The following HECW1 variants were observed in gnomAD, a reference collection of about 807,000 sequenced individuals.
HECW1 encodes the protein HECT, C2 and WW domain containing E3 ubiquitin protein ligase 1, also known as E3 ubiquitin-protein ligase HECW1.
A neutral mutation model predicts 182.3 loss-of-function variants in HECW1; 61 were observed. The ratio of observed to expected loss-of-function variants is 0.33; its 90% confidence interval spans 0.27 to 0.41. The LOEUF (loss-of-function observed/expected upper bound fraction) is 0.41, where lower values mean the gene tolerates loss of function less well. HECW1 is among the 10% of genes least tolerant of loss of function. HECW1 has a pLI of 1.00. For synonymous variants in HECW1, 859 were observed against 832.6 expected, an observed-to-expected ratio of 1.03 and a Z score of -0.55; for missense variants, 1,739 against 2,108.9, an observed-to-expected ratio of 0.82 and a Z score of 3.44.
At chr7:43,213,959 A>G (rs537255274) in intron 2 of HECW1, among the ~76,000 whole-genome samples, 51 of 152,208 alleles carry the variant, frequency 3.4e-4, no homozygotes, top group African/African-American at 1.2e-3. Flanking sequence ...TCAGGAAATT[A>G]AACATTTCAT....
intron 3 of HECW1, among the ~76,000 whole-genome samples, chr7:43,257,864 G>A (rs1800748696): frequency 6.6e-6 from 1 of 152,106 alleles, no homozygotes; most frequent in Admixed American, 6.5e-5. Context: ...AAGAATAGTG[G>A]TATTCAGTGG....
chr7:43,193,847 T>G (rs1794172408), intron 2 of HECW1, among the ~76,000 whole-genome samples: 1 of 152,164 alleles, frequency 6.6e-6, no homozygotes, highest in African/African-American at 2.4e-5. Flanking sequence ...TGCCTAACTA[T>G]GTACTCTAAC....
chr7:43,122,909 T>C (rs1215782318), intron 2 of HECW1, among the ~76,000 whole-genome samples: 1 of 152,232 alleles, frequency 6.6e-6, no homozygotes, highest in Admixed American at 6.5e-5. Flanking sequence ...CATTTTCCGT[T>C]GCTTATTTAT....
intron 5 of HECW1, among the ~76,000 whole-genome samples, chr7:43,358,012 A>C (rs991456867): frequency 2.0e-5 from 3 of 152,194 alleles, no homozygotes; most frequent in African/African-American, 7.2e-5. Flanking sequence ...TCAATGCAAG[A>C]TTGTATGTAA....
At chr7:43,139,952 G>T (rs1217231003) in intron 2 of HECW1, among the ~76,000 whole-genome samples, 1 of 152,158 alleles carries the variant, frequency 6.6e-6, no homozygotes, top group African/African-American at 2.4e-5. Flanking sequence ...ATAAGTTGTT[G>T]TAAGTATTAA....
At position 43,445,170 on chromosome 7, in the gene HECW1, G is replaced by C. The variant is rs1351926710; in HGVS notation, c.1998G>C (p.Gly666=). The change falls in exon 11 of 30, where the codon GGG becomes GGC. Residue 666 remains glycine, a synonymous_variant. Transcript: ENST00000395891. ...GCGACTCCAGCCCCAGGCAAGGCGG[G>C]GACCACAGTTGCGAGGGCTGTGACG... is the stretch of plus-strand genomic sequence containing the variant. The part of the protein sequence containing the change: ...SESDSSPRQG[G]DHSCEGCDAS... 6.2e-7 allele frequency: 1 copy of C among 1,611,324 alleles called. No homozygotes were observed. The highest frequency in any genetic ancestry group is 2.2e-5 in the East Asian group (1 of 44,820).
At chr7:43,230,424 A>T (rs1797780915) in intron 2 of HECW1, among the ~76,000 whole-genome samples, 1 of 152,188 alleles carries the variant, frequency 6.6e-6, no homozygotes, top group Non-Finnish European at 1.5e-5. Context: ...AACCAGTGTC[A>T]TGGAATACAA....
intron 13 of HECW1, among the ~76,000 whole-genome samples, chr7:43,459,744 G>A (rs139384411): frequency 5.0e-4 from 76 of 152,246 alleles, no homozygotes; most frequent in African/African-American, 1.7e-3. Flanking sequence ...CACCATGTTG[G>A]CCAGGCTTGT....
chr7:43,360,908 A>G lies in HECW1; in HGVS notation c.483A>G (p.Lys161=), dbSNP rs1206053903. The change falls in exon 6 of 30, where the codon AAA becomes AAG. Residue 161 remains lysine (K), a synonymous_variant. Transcript: ENST00000395891. ...FVEPETKICF[K]YYHGVSGALR... ...CAGCTGAAACTAAGATCTGCTTCAA[A>G]TACTACCATGGAGTGAGTGGGGCCC... 1.9e-6 allele frequency: 3 copies of G among 1,614,110 alleles called. No homozygotes were observed. The highest frequency in any genetic ancestry group is 2.5e-6 in the Non-Finnish European group (3 of 1,179,986).
intron 5 of HECW1, among the ~76,000 whole-genome samples, chr7:43,351,211 T>C (rs1814396504): frequency 6.6e-6 from 1 of 152,172 alleles, no homozygotes; most frequent in Non-Finnish European, 1.5e-5. Flanking sequence ...AGTCCTGTGA[T>C]GTGAACCATC....
chr7:43,456,242 C>T, intron 12 of HECW1, 55 bp from the exon 13 acceptor site: 10 of 1,538,076 alleles, frequency 6.5e-6, no homozygotes, highest in Admixed American at 1.8e-5. Flanking sequence ...ATGTGTTTCA[C>T]GTGGGTCAGT....
In HECW1 at chr7:43,531,370, T is replaced by A. The variant is rs550032039; in HGVS notation, c.4020-9793T>A. ...GGTGATGAGATACTGCATTGCTGTG[T>A]CTATCTCCCTTCCTAGCTTGTAAAC... On this transcript the variant is annotated intron_variant, in intron 24 of 29. Coordinates refer to ENST00000395891, the MANE Select transcript of HECW1 (RefSeq NM_015052.5). 4.5e-4 allele frequency among the ~76,000 whole-genome samples: 69 copies of A among 152,290 alleles called. 2 individuals carry two copies. The South Asian group carries it at 0.014, about 31-fold the overall frequency.
intron 2 of HECW1, among the ~76,000 whole-genome samples, chr7:43,122,582 C>G (rs1445341729): frequency 6.6e-6 from 1 of 152,160 alleles, no homozygotes; most frequent in East Asian, 1.9e-4. Context: ...CACTATCCAT[C>G]CTGTTGTCGC....
intron 6 of HECW1, among the ~76,000 whole-genome samples, chr7:43,385,339 A>G: frequency 7.1e-6 from 1 of 140,092 alleles, no homozygotes; most frequent in Non-Finnish European, 1.5e-5. Context: ...GGTTTGTGTC[A>G]GTGTCACTCA....
In HECW1 at chr7:43,420,717, A is replaced by G. The variant is rs540052101; in HGVS notation, c.801+12986A>G. Among the ~76,000 whole-genome samples the G allele has an allele frequency of 6.6e-5, 10 of 152,382 alleles. No individual in the cohort carries two copies. In the East Asian group the frequency reaches 1.9e-3, roughly 29 times the overall value. On this transcript the variant is annotated intron_variant, in intron 8 of 29. Coordinates refer to ENST00000395891, the MANE Select transcript of HECW1 (RefSeq NM_015052.5). ...AAAAGATATTATTTACAGTAGCATC[A>G]AAAACCAAGGAATAAATCTAACTGC...
intron 21 of HECW1, among the ~76,000 whole-genome samples, chr7:43,502,589 A>T (rs765434628): frequency 6.6e-6 from 1 of 152,096 alleles, no homozygotes; most frequent in South Asian, 2.1e-4. Flanking sequence ...AACCCAGGAG[A>T]CAGAGGTTGC....
intron 8 of HECW1, among the ~76,000 whole-genome samples, chr7:43,426,259 C>T (rs1252345702): frequency 6.6e-6 from 1 of 152,074 alleles, no homozygotes; most frequent in East Asian, 1.9e-4. Context: ...GTACTGAAAA[C>T]ATACAAAATA....
chr7:43,311,053 A>T (rs914984547), intron 3 of HECW1, among the ~76,000 whole-genome samples: 4 of 152,240 alleles, frequency 2.6e-5, no homozygotes, highest in African/African-American at 9.6e-5. Context: ...TTAAGTGCTC[A>T]AAGTTGTAAA....
At chr7:43,488,434 G>GAGAA (rs796394625) in intron 17 of HECW1, among the ~76,000 whole-genome samples, 13,136 of 92,884 alleles carry the variant, frequency 0.14, 1,431 homozygotes, top group African/African-American at 0.17. Flanking sequence ...AAGAAAGAAA[G>GAGAA]AGAAAGAAAG....
Sources: allele counts gnomAD v4.1 joint callset (sites outside exome capture counted in the v4.1 genomes callset), GRCh38; gene constraint gnomAD v4.1.1; transcripts MANE v1.5; gene names NCBI Gene and HGNC (gene_info 2026-07-23, HGNC 2026-07-21).